Variants in MACF1 observed in about 807,000 individuals in gnomAD.
MACF1 encodes the protein microtubule actin crosslinking factor 1.
A neutral mutation model predicts 854.8 loss-of-function variants in MACF1; 193 were observed. The observed-to-expected ratio is 0.23, with a 90% CI of 0.20 to 0.25. MACF1 has a LOEUF of 0.25. Among genes scored for constraint, MACF1 ranks in the 10% least tolerant of loss-of-function variants. MACF1 has a pLI of 1.00. For missense variants in MACF1, 7,722 were observed against 8,929.1 expected, an observed-to-expected ratio of 0.86 and a Z score of 5.45; for synonymous variants, 3,185 against 3,226.7, an observed-to-expected ratio of 0.99 and a Z score of 0.44.
intron 82 of MACF1, 22 bp downstream of exon 82, chr1:39,447,920 C>T (rs1644259925): frequency 1.9e-6 from 3 of 1,613,164 alleles, no homozygotes; most frequent in African/African-American, 1.3e-5. Context: ...AAGAAAGATA[C>T]TAATTCACTG....
chr1:39,477,131 T>TACACACACACAC lies in MACF1; in HGVS notation c.21959-2666_21959-2665insCACACACACACA, dbSNP rs562347733. On this transcript the variant is annotated intron_variant, in intron 97 of 100. Transcript: ENST00000564288. ...TATACACTTAGTGTATATATATATA[T>TACACACACACAC]ATATACACACACACACACACACAGA... is the stretch of plus-strand genomic sequence containing the variant. 9.0e-3 allele frequency among the ~76,000 whole-genome samples: 817 copies of TACACACACACAC among 91,250 alleles called. 25 individuals carry two copies. Among genetic ancestry groups the TACACACACACAC allele is most frequent in the East Asian group, 0.023 (85 of 3,642 alleles). The allele number at this position is 91,250 out of a possible 152,430, so 59.9% of individuals were successfully genotyped here. A position where few individuals can be genotyped will look rare whatever the true frequency, so the allele number is the denominator to read the frequency against.
chr1:39,468,847 G>A, intron 96 of MACF1, 115 bp downstream of exon 96: 1 of 931,794 alleles, frequency 1.1e-6, no homozygotes, highest in East Asian at 2.4e-5. Context: ...TTGTTAAGCT[G>A]CCCAGGTGTC....
intron 2 of MACF1, among the ~76,000 whole-genome samples, chr1:39,150,092 C>T (rs1403188527): frequency 6.6e-6 from 1 of 151,740 alleles, no homozygotes; most frequent in African/African-American, 2.4e-5. Flanking sequence ...GGTGCAGTCT[C>T]GGCTCACTGC....
chr1:39,388,402 T>C lies in MACF1; in HGVS notation c.15560T>C (p.Leu5187Pro). Residue 5187 changes from leucine (L) to proline (P), a missense_variant, in exon 58 of 101, where the codon CTA becomes CCA. This residue lies in a region of MACF1 where 2,807 missense variants were observed against 3,235.8 expected (regional missense o/e 0.87). Coordinates refer to ENST00000564288, the MANE Select transcript of MACF1 (RefSeq NM_001394062.1). ...EASEAECRHM[L>P]EEEGTLDLLG... ...TCTGAAGCAGAGTGTCGACATATGC[T>C]AGAAGAAGAGGGGACTCTGGATTTG... 1.2e-6 allele frequency: 2 copies of C among 1,614,060 alleles called. No homozygotes were observed. Among genetic ancestry groups the C allele is most frequent in the African/African-American group, 2.7e-5 (2 of 75,014 alleles).
chr1:39,084,575 T>C lies in MACF1; in HGVS notation c.220+137T>C, dbSNP rs1641620504. 1.4e-6 allele frequency: 1 copy of C among 737,786 alleles called. No homozygotes were observed. The highest frequency in any genetic ancestry group is 2.2e-6 in the Non-Finnish European group (1 of 461,164). The allele number at this position is 737,786 out of a possible 1,614,324, so 45.7% of individuals were successfully genotyped here. On this transcript the variant is annotated intron_variant, in intron 2 of 93. Transcript: ENST00000361689. The surrounding 1 kb of genome is among the most constrained non-coding windows in gnomAD (Gnocchi z 5.2). Reference sequence around the variant, plus strand: ...CAGCCATCATCTGATTTGTTATTATTATTCTTGGAAAGACGTTGAAATAAC... The same window carrying C: ...CAGCCATCATCTGATTTGTTATTATCATTCTTGGAAAGACGTTGAAATAAC...
intron 1 of MACF1, among the ~76,000 whole-genome samples, chr1:39,212,786 C>T (rs964536598): frequency 6.6e-6 from 1 of 152,140 alleles, no homozygotes; most frequent in African/African-American, 2.4e-5. Flanking sequence ...CCATGCCCGG[C>T]TAATTTTTGT....
At chr1:39,369,140 C>T (rs1337640813) in intron 50 of MACF1, among the ~76,000 whole-genome samples, 1 of 151,746 alleles carries the variant, frequency 6.6e-6, no homozygotes, top group Non-Finnish European at 1.5e-5. Flanking sequence ...GCCCAGACCC[C>T]CTGCTTGTTT....
Position 39,187,957 on chromosome 1 carries a change from CCTCCCCTCCT to C in MACF1, c.221-43205_221-43196del, listed in dbSNP as rs1218027648. On this transcript the variant is annotated intron_variant, in intron 2 of 93. Transcript: ENST00000361689. ...CTTTCCCTTCCCTTCCCTTCCCTTC[CCTCCCCTCCT>C]CTCCCCTCCTCTCCCCTCCCCTCCC... Among the ~76,000 whole-genome samples the C allele has an allele frequency of 2.1e-3, 236 of 110,008 alleles. 1 individual carries two copies. The highest frequency in any genetic ancestry group is 7.1e-3 in the African/African-American group (222 of 31,318). 72.2% of individuals were successfully genotyped at this position (110,008 alleles called of 152,430 possible).
At chr1:39,441,401 C>G in intron 74 of MACF1, 76 bp downstream of exon 74, 1 of 1,193,156 alleles carries the variant, frequency 8.4e-7, no homozygotes, top group Non-Finnish European at 1.2e-6. Flanking sequence ...TGGAATTAAG[C>G]ACAAAAGTGG....
intron 40 of MACF1, among the ~76,000 whole-genome samples, chr1:39,344,851 C>G (rs1647011050): frequency 6.6e-6 from 1 of 152,138 alleles, no homozygotes; most frequent in Admixed American, 6.5e-5. Context: ...TAGGTGTTTT[C>G]TATCTATTGA....
chr1:39,310,562 G>A, intron 25 of MACF1, 134 bp downstream of exon 25: 1 of 984,582 alleles, frequency 1.0e-6, no homozygotes, highest in East Asian at 2.6e-5. Context: ...ACTTGAGATA[G>A]AGAAGAACTT....
Position 39,340,891 on chromosome 1 carries a change from A to G in MACF1, c.10519A>G (p.Ser3507Gly). The stretch of plus-strand genomic sequence containing the variant: ...TGGCAATAAAAATCTTATTCTGAAC[A>G]GCAAGGGATCTAACAGTGAAATAGA... ...WVGNKNLILN[S>G]KGSNSEIDVD... is the part of the protein sequence containing the mutation. The change falls in exon 40 of 101, where the codon AGC becomes GGC. Residue 3507 changes from serine (S) to glycine (G), a missense_variant. Ser to Gly is a moderately conservative substitution (Grantham distance 56). Around this residue, in one of 15 missense-constraint regions of MACF1, gnomAD observed 854 missense variants for 852.6 expected, o/e 1.00. Coordinates refer to ENST00000564288, the MANE Select transcript of MACF1 (RefSeq NM_001394062.1). 1.2e-6 allele frequency: 2 copies of G among 1,614,044 alleles called. No homozygotes were observed. The highest frequency in any genetic ancestry group is 1.7e-6 in the Non-Finnish European group (2 of 1,179,902).
intron 58 of MACF1, chr1:39,413,064 TC>T: frequency 6.3e-7 from 1 of 1,597,008 alleles, no homozygotes; most frequent in Non-Finnish European, 8.5e-7. Flanking sequence ...AGGAGACTGC[TC>T]CAGCTGTTGC....
intron 38 of MACF1, among the ~76,000 whole-genome samples, chr1:39,338,802 G>A (rs1646874019): frequency 6.6e-6 from 1 of 152,208 alleles, no homozygotes; most frequent in East Asian, 1.9e-4. Context: ...ACTGATATAA[G>A]TGGTTTCCCA....
intron 70 of MACF1, among the ~76,000 whole-genome samples, chr1:39,436,948 AT>A (rs1433246111): frequency 6.6e-6 from 1 of 152,094 alleles, no homozygotes; most frequent in Non-Finnish European, 1.5e-5. Flanking sequence ...TTTCTCTCTT[AT>A]TGTTCCATAA....
chr1:39,240,395 G>A (rs914472091), intron 2 of MACF1, among the ~76,000 whole-genome samples: 2 of 152,148 alleles, frequency 1.3e-5, no homozygotes, highest in African/African-American at 2.4e-5. Context: ...CACTCTAAAT[G>A]CTTCTCAGGT....
chr1:39,102,775 T>C (rs1272365196), intron 2 of MACF1: 143 of 702,408 alleles, frequency 2.0e-4, no homozygotes, highest in Non-Finnish European at 1.8e-5. Context: ...GTCTCACCCA[T>C]CAGGAGCAAA....
chr1:39,309,681 C>T lies in MACF1; in HGVS notation c.2901C>T (p.Thr967=), dbSNP rs1326541508. 1 of 1,611,508 alleles carries T rather than the reference C, an allele frequency of 6.2e-7. No homozygotes were observed. The highest frequency in any genetic ancestry group is 2.2e-5 in the East Asian group (1 of 44,880). The part of the protein sequence containing the change: ...YLRKDLDLVQ[T]WNLEKLRSSA... ...GTAAAGACCTTGACCTTGTACAGACCTGGAACCTAGAAAAGGTAATTATGA... is the reference window on the plus strand; with the variant it reads ...GTAAAGACCTTGACCTTGTACAGACTTGGAACCTAGAAAAGGTAATTATGA... The change falls in exon 24 of 101, where the codon ACC becomes ACT. Residue 967 remains threonine (T), a synonymous_variant. Transcript: ENST00000564288.
rs6677816 is a variant in MACF1 at position 39,105,064 on chromosome 1, T to C, written c.220+20626T>C. ...CCTGTGGAGCCGGCCCGGGTCTCCCTGCCGTTCGGCCGGCCCAGCCTTTCA... is the reference window on the plus strand; with the variant it reads ...CCTGTGGAGCCGGCCCGGGTCTCCCCGCCGTTCGGCCGGCCCAGCCTTTCA... On this transcript the variant is annotated intron_variant, in intron 2 of 93. Transcript: ENST00000361689. The surrounding 1 kb of genome is among the most constrained non-coding windows in gnomAD (Gnocchi z 5.9). Among the ~76,000 whole-genome samples the C allele has an allele frequency of 0.017, 2,538 of 152,270 alleles. 74 individuals carry two copies. The highest frequency in any genetic ancestry group is 0.056 in the African/African-American group (2,319 of 41,582).
Sources: allele counts gnomAD v4.1 joint callset (sites outside exome capture counted in the v4.1 genomes callset), GRCh38; gene constraint gnomAD v4.1.1; regional missense constraint gnomAD v4.1.1; non-coding constraint Gnocchi (gnomAD v3.1); transcripts MANE v1.5; gene names NCBI Gene and HGNC (gene_info 2026-07-23, HGNC 2026-07-21).